FAM13A: variants seen among roughly 807,000 people sequenced by gnomAD.
The protein encoded by FAM13A is family with sequence similarity 13 member A, also known as protein FAM13A.
A neutral mutation model predicts 129.6 loss-of-function variants in FAM13A; 76 were observed. That is an observed-to-expected ratio of 0.59 (90% CI 0.49 to 0.71). The LOEUF is 0.71. FAM13A is among the 30% of genes least tolerant of loss of function. FAM13A has a pLI of 0.00. For missense variants in FAM13A, 1,108 were observed against 1,249.3 expected, an observed-to-expected ratio of 0.89 and a Z score of 1.70; for synonymous variants, 443 against 449.9, an observed-to-expected ratio of 0.98 and a Z score of 0.20.
chr4:89,018,430 G>A (rs971708557), intron 3 of FAM13A, among the ~76,000 whole-genome samples: 5 of 152,188 alleles, frequency 3.3e-5, no homozygotes, highest in Admixed American at 6.5e-5. Context: ...AATTTCTCTC[G>A]TTTAGGCTTG....
At chr4:88,934,756 A>C (rs1256280924) in intron 5 of FAM13A, among the ~76,000 whole-genome samples, 2 of 152,222 alleles carry the variant, frequency 1.3e-5, no homozygotes, top group African/African-American at 4.8e-5. Context: ...GAAACCTCCA[A>C]CTTAAGTGAA....
At chr4:88,860,747 T>C (rs1368469223) in intron 6 of FAM13A, among the ~76,000 whole-genome samples, 2 of 152,324 alleles carry the variant, frequency 1.3e-5, no homozygotes, top group Non-Finnish European at 2.9e-5. Context: ...CAAGGGAAGC[T>C]GATGGAATGT....
chr4:88,973,013 C>T (rs1196587590), intron 4 of FAM13A, among the ~76,000 whole-genome samples: 1 of 152,172 alleles, frequency 6.6e-6, no homozygotes, highest in Non-Finnish European at 1.5e-5. Flanking sequence ...TGCATTGTTT[C>T]AGAGAAGTCA....
chr4:88,929,449 G>A (rs1752710257), intron 5 of FAM13A, among the ~76,000 whole-genome samples: 2 of 151,872 alleles, frequency 1.3e-5, no homozygotes, highest in Non-Finnish European at 2.9e-5. Flanking sequence ...GCTAGATTTG[G>A]GAAGTTTTCA....
At chr4:88,918,769 T>C (rs988467272) in intron 5 of FAM13A, among the ~76,000 whole-genome samples, 2 of 152,246 alleles carry the variant, frequency 1.3e-5, no homozygotes, top group Non-Finnish European at 2.9e-5. Context: ...TGGCAACGCT[T>C]TGTGTACACC....
At chr4:88,871,326 G>T (rs754904759) in intron 6 of FAM13A, among the ~76,000 whole-genome samples, 2 of 152,166 alleles carry the variant, frequency 1.3e-5, no homozygotes, top group Non-Finnish European at 2.9e-5. Context: ...GCTTCAGAAG[G>T]TCAGTAATAA....
At chr4:88,779,582 G>A (rs577596221) in intron 11 of FAM13A, among the ~76,000 whole-genome samples, 12 of 152,182 alleles carry the variant, frequency 7.9e-5, no homozygotes, top group African/African-American at 2.4e-4. Flanking sequence ...ACAAAGACAC[G>A]GTCCACTGAG....
chr4:88,829,109 C>T (rs143348715), intron 7 of FAM13A, among the ~76,000 whole-genome samples: 32 of 152,190 alleles, frequency 2.1e-4, no homozygotes, highest in African/African-American at 7.0e-4. Flanking sequence ...TGAAAACAAC[C>T]AAAGAACCAA....
At position 89,003,541 on chromosome 4, in the gene FAM13A, C is replaced by T. The variant is rs933167955; in HGVS notation, c.428-12391G>A. Among the ~76,000 whole-genome samples the T allele has an allele frequency of 7.3e-5, 11 of 151,600 alleles. No individual in the cohort carries two copies. The South Asian group carries it at 8.3e-4, about 12-fold the overall frequency. Reference sequence around the variant, plus strand: ...CAGCAGAATCATGGTTATAGGTGTGCGGGAGGTGGAGGTTGCAGTAAGCAG... The same window carrying T: ...CAGCAGAATCATGGTTATAGGTGTGTGGGAGGTGGAGGTTGCAGTAAGCAG... On this transcript the variant is annotated intron_variant, in intron 3 of 23. Transcript: ENST00000264344.
At chr4:88,747,394 AAAC>A (rs1431050945) in intron 18 of FAM13A, among the ~76,000 whole-genome samples, 1 of 152,222 alleles carries the variant, frequency 6.6e-6, no homozygotes, top group Middle Eastern at 3.2e-3. Context: ...CTATTAACCT[AAAC>A]AAGTTCATTC....
At chr4:88,786,083 TG>T (rs916220886) in intron 10 of FAM13A, among the ~76,000 whole-genome samples, 1 of 152,170 alleles carries the variant, frequency 6.6e-6, no homozygotes, top group African/African-American at 2.4e-5. Context: ...TCCCTGGGCT[TG>T]GGAAGCTCTC....
Position 88,764,164 on chromosome 4 carries a change from T to C in FAM13A, c.1578+3389A>G, listed in dbSNP as rs370616885. Among the ~76,000 whole-genome samples the C allele has an allele frequency of 5.6e-4, 85 of 152,308 alleles. 2 individuals are homozygous for C. The South Asian group carries it at 0.017, about 31-fold the overall frequency. On this transcript the variant is annotated intron_variant, in intron 13 of 23. Transcript: ENST00000264344. ...CTTTCTCTCTTCTCTTTTCCTTTTT[T>C]TTGAAGCAGGATAAGAAACATGGAA...
intron 6 of FAM13A, among the ~76,000 whole-genome samples, chr4:88,861,380 C>CAAAAAAAAAAAAAAAAAAAAAAAACAAAA: frequency 1.2e-5 from 1 of 83,908 alleles, no homozygotes; most frequent in Non-Finnish European, 2.6e-5. Flanking sequence ...GACTCCGTCT[C>CAAAAAAAAAAAAAAAAAAAAAAAACAAAA]AAAAAAAAAA....
intron 3 of FAM13A, among the ~76,000 whole-genome samples, chr4:89,008,004 C>A (rs1297419127): frequency 6.6e-6 from 1 of 151,688 alleles, no homozygotes; most frequent in Non-Finnish European, 1.5e-5. Context: ...TTTTTTTCCA[C>A]AGCATTTCAT....
At chr4:88,793,623 T>C (rs1264065821) in intron 8 of FAM13A, among the ~76,000 whole-genome samples, 48 of 151,934 alleles carry the variant, frequency 3.2e-4, no homozygotes, top group Non-Finnish European at 5.9e-5. Context: ...GGTTGTTGGT[T>C]AGCTTGGCTG....
chr4:88,736,138 C>A (rs2149409951), intron 21 of FAM13A, among the ~76,000 whole-genome samples: 1 of 152,202 alleles, frequency 6.6e-6, no homozygotes, highest in South Asian at 2.1e-4. Context: ...AACATCAAGG[C>A]TTATTGTAAG....
intron 6 of FAM13A, among the ~76,000 whole-genome samples, chr4:88,894,294 G>A (rs866899174): frequency 2.3e-4 from 35 of 152,014 alleles, no homozygotes; most frequent in African/African-American, 8.2e-4. Context: ...AAATATTGGA[G>A]ACAATCTAAG....
chr4:88,738,004 T>C (rs1465859986), intron 20 of FAM13A, among the ~76,000 whole-genome samples: 1 of 152,216 alleles, frequency 6.6e-6, no homozygotes, highest in Non-Finnish European at 1.5e-5. Flanking sequence ...GCCTGGAGAA[T>C]GAAAACAACT....
intron 7 of FAM13A, among the ~76,000 whole-genome samples, chr4:88,817,846 C>T (rs1267706178): frequency 2.0e-5 from 3 of 152,174 alleles, no homozygotes; most frequent in African/African-American, 7.2e-5. Context: ...CTGTGCTAAG[C>T]ACTTTTGCAT....
Sources: gnomAD v4.1 joint callset for allele counts (sites outside exome capture counted in the v4.1 genomes callset) on GRCh38, gnomAD v4.1.1 for gene constraint, MANE v1.5 for transcripts, NCBI Gene and HGNC (gene_info 2026-07-23, HGNC 2026-07-21) for gene names.